Variants in PCDHGA1 observed in about 807,000 individuals in gnomAD.
PCDHGA1 encodes protocadherin gamma-A1.
In PCDHGA1, 32 loss-of-function variants were observed where a neutral mutation model predicts 58.0. That is an observed-to-expected ratio of 0.55 (90% CI 0.42 to 0.74). The LOEUF (loss-of-function observed/expected upper bound fraction) is 0.74, where lower values mean the gene tolerates loss of function less well. Ranked by LOEUF, PCDHGA1 falls within the 30% of genes least tolerant of loss-of-function variation. The pLI is 0.00. For missense variants in PCDHGA1, 1,205 were observed against 1,182.3 expected, an observed-to-expected ratio of 1.02 and a Z score of -0.28; for synonymous variants, 498 against 501.1, an observed-to-expected ratio of 0.99 and a Z score of 0.08.
At chr5:141,371,783 G>A in intron 1 of PCDHGA1, 1 of 1,613,986 alleles carries the variant, frequency 6.2e-7, no homozygotes, top group Non-Finnish European at 8.5e-7. Flanking sequence ...ATGTAGCTGA[G>A]AACAATCCGC....
At chr5:141,399,785 A>G (rs748714301) in intron 1 of PCDHGA1, 6 of 1,613,294 alleles carry the variant, frequency 3.7e-6, no homozygotes, top group South Asian at 1.1e-5. Context: ...GACCGAAACG[A>G]CAACGCACCG....
chr5:141,341,229 A>G lies in PCDHGA1; in HGVS notation c.2421+8124A>G, dbSNP rs755198049. 4.0e-5 allele frequency: 64 copies of G among 1,614,218 alleles called. No individual in the cohort carries two copies. The highest frequency in any genetic ancestry group is 5.4e-5 in the Non-Finnish European group (64 of 1,180,038). On this transcript the variant is annotated intron_variant, in intron 1 of 3. Transcript: ENST00000517417. Reference sequence around the variant, plus strand: ...GGGGTTCGGGCTTTCCTGCAGACCTATTCCCACGAGGTCTCCCTCACTGCG... The same window carrying G: ...GGGGTTCGGGCTTTCCTGCAGACCTGTTCCCACGAGGTCTCCCTCACTGCG...
chr5:141,455,037 C>T (rs1251627513), intron 1 of PCDHGA1, among the ~76,000 whole-genome samples: 1 of 151,744 alleles, frequency 6.6e-6, no homozygotes, highest in Non-Finnish European at 1.5e-5. Flanking sequence ...TGGTCTCGAT[C>T]TCCTGACCTC....
intron 1 of PCDHGA1, chr5:141,361,038 C>G: frequency 6.2e-7 from 1 of 1,613,384 alleles, no homozygotes; most frequent in Non-Finnish European, 8.5e-7. Context: ...CAGGAGAAAT[C>G]ACGACAAAGG....
intron 1 of PCDHGA1, chr5:141,340,027 T>A (rs745582033): frequency 1.2e-6 from 2 of 1,614,224 alleles, no homozygotes; most frequent in Non-Finnish European, 1.7e-6. Context: ...TGACATCTGC[T>A]ACTAGCTCAG....
intron 1 of PCDHGA1, among the ~76,000 whole-genome samples, chr5:141,397,601 T>C (rs1225684125): frequency 5.3e-5 from 8 of 152,198 alleles, no homozygotes; most frequent in Admixed American, 3.3e-4. Flanking sequence ...ATATTGCCAG[T>C]GACAAGGGCA....
rs765887978 is a variant in PCDHGA1 at position 141,486,476 on chromosome 5, C to T, written c.2422-8331C>T. The T allele has an allele frequency of 8.7e-6, 14 of 1,613,934 alleles. No homozygotes were observed. The highest frequency in any genetic ancestry group is 1.7e-5 in the Admixed American group (1 of 60,016). ...TGCTTCTGATGCTGGGAACCCTCCT[C>T]TCAGTACCCACAGAACTATTTTCCT... On this transcript the variant is annotated intron_variant, in intron 1 of 3. Transcript: ENST00000517417. This position sits in a 1 kb window ranked among gnomAD's most constrained non-coding sequence, Gnocchi z 5.0.
intron 1 of PCDHGA1, chr5:141,416,068 A>G (rs940843403): frequency 1.2e-5 from 2 of 173,694 alleles, no homozygotes; most frequent in Non-Finnish European, 2.4e-5. Context: ...AGAATACTCA[A>G]TGCAGTTCTT....
intron 1 of PCDHGA1, among the ~76,000 whole-genome samples, chr5:141,462,264 G>A (rs966953621): frequency 1.3e-5 from 2 of 152,174 alleles, no homozygotes; most frequent in African/African-American, 4.8e-5. Context: ...CCAGCCTAAA[G>A]TGTATTGTTT....
chr5:141,485,374 T>A lies in PCDHGA1; in HGVS notation c.2422-9433T>A. Reference sequence around the variant, plus strand: ...TGTCAGCTCGCAGGCTGCAGGTCGCTGGAGAGGTGAACCAAAGACACTTCC... The same window carrying A: ...TGTCAGCTCGCAGGCTGCAGGTCGCAGGAGAGGTGAACCAAAGACACTTCC... On this transcript the variant is annotated intron_variant, in intron 1 of 3. Coordinates refer to ENST00000517417, the MANE Select transcript of PCDHGA1 (RefSeq NM_018912.3). The surrounding 1 kb of genome is among the most constrained non-coding windows in gnomAD (Gnocchi z 5.7). The A allele has an allele frequency of 1.2e-6, 2 of 1,614,082 alleles. No homozygotes were observed. Among genetic ancestry groups the A allele is most frequent in the Non-Finnish European group, 1.7e-6 (2 of 1,179,998 alleles).
At chr5:141,389,325 C>A (rs368804822) in intron 1 of PCDHGA1, 3 of 1,614,004 alleles carry the variant, frequency 1.9e-6, no homozygotes, top group Non-Finnish European at 2.5e-6. Flanking sequence ...GGACTTGGGG[C>A]CCAACGGCCA....
At position 141,398,898 on chromosome 5, in the gene PCDHGA1, A is replaced by G. The variant is rs565517655; in HGVS notation, c.2421+65793A>G. 11 of 1,613,922 alleles carry G rather than the reference A, an allele frequency of 6.8e-6. No homozygotes were observed. The African/African-American group carries it at 1.1e-4, about 16-fold the overall frequency. ...TCAGCCTTCGGGAAAACGTGCCACCAGGCACCACTGTGTTGCAAGTGTCAG... is the reference window on the plus strand; with the variant it reads ...TCAGCCTTCGGGAAAACGTGCCACCGGGCACCACTGTGTTGCAAGTGTCAG... On this transcript the variant is annotated intron_variant, in intron 1 of 3. Coordinates refer to ENST00000517417, the MANE Select transcript of PCDHGA1 (RefSeq NM_018912.3).
chr5:141,487,340 G>A lies in PCDHGA1; in HGVS notation c.2422-7467G>A, dbSNP rs2099643329. 6.2e-7 allele frequency: 1 copy of A among 1,614,182 alleles called. No individual in the cohort carries two copies. Among genetic ancestry groups the A allele is most frequent in the Admixed American group, 1.7e-5 (1 of 60,024 alleles). The stretch of plus-strand genomic sequence containing the variant: ...GTGTCTTCGTGGGGCAGCCTGTGGA[G>A]TCACATGCTTTCCTGCTGGCACCTG... On this transcript the variant is annotated intron_variant, in intron 1 of 3. Coordinates refer to ENST00000517417, the MANE Select transcript of PCDHGA1 (RefSeq NM_018912.3). This position sits in a 1 kb window ranked among gnomAD's most constrained non-coding sequence, Gnocchi z 5.0.
chr5:141,393,453 G>A lies in PCDHGA1; in HGVS notation c.2421+60348G>A, dbSNP rs373805221. On this transcript the variant is annotated intron_variant, in intron 1 of 3. Coordinates refer to ENST00000517417, the MANE Select transcript of PCDHGA1 (RefSeq NM_018912.3). ...GGCTGCTCACCACCTGGTCCTCACGGCCTCGGATGGCGGCAAGCCGCCTCG... is the reference window on the plus strand; with the variant it reads ...GGCTGCTCACCACCTGGTCCTCACGACCTCGGATGGCGGCAAGCCGCCTCG... 113 of 1,613,920 alleles carry A rather than the reference G, an allele frequency of 7.0e-5. 1 individual carries two copies. The highest frequency in any genetic ancestry group is 8.9e-5 in the Non-Finnish European group (105 of 1,179,908).
intron 1 of PCDHGA1, chr5:141,376,026 A>T: frequency 6.2e-7 from 1 of 1,613,128 alleles, no homozygotes; most frequent in African/African-American, 1.3e-5. Context: ...GCCGTCCAGG[A>T]CCACGGCCAG....
chr5:141,346,930 T>C (rs1053008501), intron 1 of PCDHGA1, among the ~76,000 whole-genome samples: 2 of 152,258 alleles, frequency 1.3e-5, no homozygotes, highest in Admixed American at 1.3e-4. Context: ...GAATAAAAGA[T>C]ATTTTATGCC....
chr5:141,415,432 T>G, intron 1 of PCDHGA1: 1 of 1,614,222 alleles, frequency 6.2e-7, no homozygotes, highest in East Asian at 2.2e-5. Flanking sequence ...GGTTCGGGCT[T>G]TCCTGCAGAC....
chr5:141,364,904 C>G (rs748515825), intron 1 of PCDHGA1: 19 of 1,613,876 alleles, frequency 1.2e-5, no homozygotes, highest in Non-Finnish European at 1.7e-6. Flanking sequence ...ACAAAAGTAT[C>G]CGGAGCTGGT....
In PCDHGA1 at chr5:141,331,795, GT is replaced by G. The variant is rs1561471733; in HGVS notation, c.1112del (p.Val371GlyfsTer27). On this transcript the variant is annotated frameshift_variant, in exon 1 of 4. Transcript: ENST00000517417. LOFTEE classifies it high-confidence loss of function. ...TGGGACCATAATTGCTCTTATCAGT[GT>G]GCATGACCAGGACTCAGGAGACAAT... ...PPGTIIALIS[V>X]HDQDSGDNGY... is the part of the protein sequence containing the mutation. 1.9e-6 allele frequency: 3 copies of G among 1,614,146 alleles called. No homozygotes were observed. In the South Asian group the frequency reaches 3.3e-5, roughly 18 times the overall value.
Sources: allele counts gnomAD v4.1 joint callset (sites outside exome capture counted in the v4.1 genomes callset), GRCh38; gene constraint gnomAD v4.1.1; non-coding constraint Gnocchi (gnomAD v3.1); transcripts MANE v1.5; gene names NCBI Gene and HGNC (gene_info 2026-07-23, HGNC 2026-07-21).